The following LPP variants were observed in gnomAD, a reference collection of about 807,000 sequenced individuals.
LPP encodes the protein lipoma-preferred partner.
A neutral mutation model predicts 60.4 loss-of-function variants in LPP; 38 were observed. The observed-to-expected ratio is 0.63, with a 90% CI of 0.49 to 0.83. The LOEUF is 0.83. Ranked by LOEUF, LPP falls within the 40% of genes least tolerant of loss-of-function variation. The pLI is 0.00. For missense variants in LPP, 902 were observed against 783.6 expected (o/e 1.15, Z -1.80); for synonymous variants, 328 against 290.8 (o/e 1.13, Z -1.30).
chr3:188,291,070 C>A (rs1158363684), intron 2 of LPP, among the ~76,000 whole-genome samples: 1 of 152,158 alleles, frequency 6.6e-6, no homozygotes, highest in African/African-American at 2.4e-5. Context: ...TTTCACCCAC[C>A]TTCAAAGAGT....
rs1017310155 is a variant in LPP, at chr3:188,570,058, C to T, written c.430-39103C>T. Among the ~76,000 whole-genome samples, 57 of 150,514 alleles carry T rather than the reference C, an allele frequency of 3.8e-4. 1 individual carries two copies. The highest frequency in any genetic ancestry group is 4.2e-4 in the South Asian group (2 of 4,768). On this transcript the variant is annotated intron_variant, in intron 6 of 11. Transcript: ENST00000617246. ...TTTTGAGTAGTCACAATCTGATAGCCTTAATCACTAATTCAGGAGAATAAC... is the reference window on the plus strand; with the variant it reads ...TTTTGAGTAGTCACAATCTGATAGCTTTAATCACTAATTCAGGAGAATAAC...
chr3:188,368,680 TCTCACACACACA>T (rs1468790539), intron 3 of LPP, among the ~76,000 whole-genome samples: 6 of 95,336 alleles, frequency 6.3e-5, no homozygotes, highest in African/African-American at 2.5e-4. Flanking sequence ...ACACACACAC[TCTCACACACACA>T]CACACACACA....
chr3:188,705,544 A>G lies in LPP; in HGVS notation c.1114-2723A>G, dbSNP rs1309737516. Reference sequence around the variant, plus strand: ...TTAAAGTTTAACAATACTGGCAACCATTCATCCAATATTCATGTTTATGCA... The same window carrying G: ...TTAAAGTTTAACAATACTGGCAACCGTTCATCCAATATTCATGTTTATGCA... On this transcript the variant is annotated intron_variant, in intron 7 of 11. Transcript: ENST00000617246. 2.0e-5 allele frequency among the ~76,000 whole-genome samples: 3 copies of G among 152,244 alleles called. No individual in the cohort carries two copies. The East Asian group carries it at 5.8e-4, about 29-fold the overall frequency.
chr3:188,476,752 A>G (rs547281172), intron 4 of LPP, among the ~76,000 whole-genome samples: 1 of 152,334 alleles, frequency 6.6e-6, no homozygotes, highest in South Asian at 2.1e-4. Flanking sequence ...TAATTTTTCT[A>G]ATGTATAAAA....
chr3:188,290,256 G>T (rs1354492834), intron 2 of LPP, among the ~76,000 whole-genome samples: 1 of 152,138 alleles, frequency 6.6e-6, no homozygotes, highest in Admixed American at 6.5e-5. Flanking sequence ...GATTACAGAC[G>T]TGAGCCACCA....
chr3:188,223,960 C>A (rs1370844348), intron 1 of LPP, among the ~76,000 whole-genome samples: 2 of 152,148 alleles, frequency 1.3e-5, no homozygotes, highest in African/African-American at 4.8e-5. Flanking sequence ...CCTTGCTTTT[C>A]TGGGCTGATA....
chr3:188,171,399 C>T (rs1157657135), intron 1 of LPP, among the ~76,000 whole-genome samples: 2 of 152,214 alleles, frequency 1.3e-5, no homozygotes, highest in Admixed American at 6.5e-5. Context: ...TCTTTCTTGT[C>T]TACACCCTCA....
rs529728039 is a variant in LPP at position 188,516,153 on chromosome 3, A to G, written c.307-8512A>G. Among the ~76,000 whole-genome samples the G allele has an allele frequency of 3.3e-4, 50 of 152,268 alleles. 3 individuals carry two copies. In the South Asian group the frequency reaches 0.01, roughly 31 times the overall value. On this transcript the variant is annotated intron_variant, in intron 5 of 11. Coordinates refer to ENST00000617246, the MANE Select transcript of LPP (RefSeq NM_001375462.1). The stretch of plus-strand genomic sequence containing the variant: ...AAGTCCTCCTCCCCTGGAGAAGGGT[A>G]CATTTGGGGAGATAGATAGGTAAGG...
chr3:188,666,349 AC>A (rs1855797718), intron 7 of LPP, among the ~76,000 whole-genome samples: 1 of 152,164 alleles, frequency 6.6e-6, no homozygotes. Flanking sequence ...GTCATCCTTA[AC>A]GGTGTGGAAG....
intron 9 of LPP, among the ~76,000 whole-genome samples, chr3:188,863,582 G>C (rs1765796041): frequency 6.6e-6 from 1 of 152,184 alleles, no homozygotes; most frequent in African/African-American, 2.4e-5. Flanking sequence ...CCCCACTGGA[G>C]ACTGAAAGGG....
rs567954884 is a variant in LPP at position 188,364,007 on chromosome 3, T to C, written c.-10+22288T>C. Among the ~76,000 whole-genome samples, 177 of 152,270 alleles carry C rather than the reference T, an allele frequency of 1.2e-3. 1 individual carries two copies. The highest frequency in any genetic ancestry group is 1.8e-3 in the Non-Finnish European group (121 of 68,020). ...GGTCAAGCACATTAGCTGGACTGTCTTGGTCGAGGTTTGAAGGCAATGCCA... is the reference window on the plus strand; with the variant it reads ...GGTCAAGCACATTAGCTGGACTGTCCTGGTCGAGGTTTGAAGGCAATGCCA... On this transcript the variant is annotated intron_variant, in intron 3 of 11. Transcript: ENST00000617246.
chr3:188,536,406 T>G (rs1265339748), intron 6 of LPP, among the ~76,000 whole-genome samples: 1 of 152,232 alleles, frequency 6.6e-6, no homozygotes, highest in Non-Finnish European at 1.5e-5. Flanking sequence ...TACCAATTTA[T>G]TTCTGATACT....
At position 188,874,385 on chromosome 3, in the gene LPP, A is replaced by G. The variant is rs1464156407; in HGVS notation, c.1745A>G (p.Gln582Arg). ...CGGLLSEGDN[Q>R]GCYPLDGHIL... ...GGTCTCCTGTCTGAAGGAGATAACCAAGGCTGCTACCCCTTGGATGGGCAC... is the reference window on the plus strand; with the variant it reads ...GGTCTCCTGTCTGAAGGAGATAACCGAGGCTGCTACCCCTTGGATGGGCAC... Residue 582 changes from glutamine (Q) to arginine (R), a missense_variant, in exon 12 of 12, where the codon CAA (glutamine) becomes CGA (arginine). Transcript: ENST00000617246. The G allele has an allele frequency of 6.2e-7, 1 of 1,614,042 alleles. No individual in the cohort carries two copies. Among genetic ancestry groups the G allele is most frequent in the African/African-American group, 1.3e-5 (1 of 74,938 alleles).
Position 188,493,986 on chromosome 3 carries a change from T to C in LPP, c.306+9282T>C, listed in dbSNP as rs75639821. Among the ~76,000 whole-genome samples the C allele has an allele frequency of 7.0e-3, 1,063 of 152,066 alleles. 14 individuals carry two copies. The highest frequency in any genetic ancestry group is 0.025 in the African/African-American group (1,033 of 41,488). Reference sequence around the variant, plus strand: ...TCTATAAAACTGAATTTGGGGAGAGTATTTGGTAGGAGTGGCTCTGGATAT... The same window carrying C: ...TCTATAAAACTGAATTTGGGGAGAGCATTTGGTAGGAGTGGCTCTGGATAT... On this transcript the variant is annotated intron_variant, in intron 5 of 11. Coordinates refer to ENST00000617246, the MANE Select transcript of LPP (RefSeq NM_001375462.1).
intron 2 of LPP, among the ~76,000 whole-genome samples, chr3:188,310,977 T>A (rs1407904965): frequency 6.6e-6 from 1 of 152,172 alleles, no homozygotes; most frequent in Non-Finnish European, 1.5e-5. Context: ...AAGTTTTAGC[T>A]TTCTGTTTCA....
intron 6 of LPP, among the ~76,000 whole-genome samples, chr3:188,538,518 A>C (rs1824264044): frequency 6.6e-6 from 1 of 152,202 alleles, no homozygotes; most frequent in Admixed American, 6.5e-5. Context: ...TAAGGTGGCT[A>C]TAATAAAAAA....
chr3:188,571,301 T>C (rs1218733244), intron 6 of LPP, among the ~76,000 whole-genome samples: 1 of 152,056 alleles, frequency 6.6e-6, no homozygotes, highest in Non-Finnish European at 1.5e-5. Flanking sequence ...TGTTTTAAGA[T>C]CTACCACATG....
intron 8 of LPP, among the ~76,000 whole-genome samples, chr3:188,752,759 A>G (rs1244384564): frequency 2.6e-5 from 4 of 152,064 alleles, no homozygotes; most frequent in African/African-American, 9.7e-5. Flanking sequence ...CTGCATTCCA[A>G]TACCCCGGGA....
chr3:188,690,776 T>G (rs1560071274), intron 7 of LPP, among the ~76,000 whole-genome samples: 1 of 152,146 alleles, frequency 6.6e-6, no homozygotes, highest in Non-Finnish European at 1.5e-5. Flanking sequence ...CAGACTTGAG[T>G]CTTGCCCTAC....
Sources: allele counts gnomAD v4.1 joint callset (sites outside exome capture counted in the v4.1 genomes callset), GRCh38; gene constraint gnomAD v4.1.1; transcripts MANE v1.5; gene names NCBI Gene and HGNC (gene_info 2026-07-23, HGNC 2026-07-21).